The following CFAP20DC variants were observed in gnomAD, a reference collection of about 807,000 sequenced individuals.
The protein encoded by CFAP20DC is CFAP20 domain containing.
CFAP20DC carries 84 observed loss-of-function variants against 101.7 expected under a neutral mutation model. The ratio of observed to expected loss-of-function variants is 0.83; its 90% CI spans 0.69 to 0.99. The LOEUF is 0.99. Among genes scored for constraint, CFAP20DC ranks in the 50% least tolerant of loss-of-function variants. CFAP20DC has a pLI of 0.00. For missense variants in CFAP20DC, 1,007 were observed against 970.3 expected, an observed-to-expected ratio of 1.04 and a Z score of -0.50; for synonymous variants, 359 against 351.2, an observed-to-expected ratio of 1.02 and a Z score of -0.25.
chr3:58,911,009 T>C lies in CFAP20DC; in HGVS notation c.550+2699A>G, dbSNP rs887097428. Among the ~76,000 whole-genome samples, 5 of 152,098 alleles carry C rather than the reference T, an allele frequency of 3.3e-5. 1 individual carries two copies. The highest frequency in any genetic ancestry group is 3.3e-4 in the Admixed American group (5 of 15,250). On this transcript the variant is annotated intron_variant, in intron 6 of 16. Transcript: ENST00000482387. ...CTTTAAAATAAGTTTGATTAACATATTTGAGAAATGTGTTAACAAGATGTA... is the reference window on the plus strand; with the variant it reads ...CTTTAAAATAAGTTTGATTAACATACTTGAGAAATGTGTTAACAAGATGTA...
At chr3:59,033,517 G>A (rs2094036212) in intron 4 of CFAP20DC, among the ~76,000 whole-genome samples, 1 of 152,044 alleles carries the variant, frequency 6.6e-6, no homozygotes, top group South Asian at 2.1e-4. Context: ...TGACCTGATG[G>A]AGCTGAAAAA....
rs572420720 is a variant in CFAP20DC at position 59,024,741 on chromosome 3, T to A, written c.278+14816A>T. ...CAAAGCCAAATGCCAAATGACTTCA[T>A]AAGATTCCATGATATACTTGAATTG... On this transcript the variant is annotated intron_variant, in intron 4 of 16. Transcript: ENST00000482387. 6.4e-4 allele frequency among the ~76,000 whole-genome samples: 98 copies of A among 152,280 alleles called. 2 individuals are homozygous for A. The South Asian group carries it at 0.02, about 31-fold the overall frequency.
chr3:58,866,480 A>G (rs2079702516), intron 11 of CFAP20DC, 86 bp downstream of exon 11: 3 of 1,182,276 alleles, frequency 2.5e-6, no homozygotes, highest in South Asian at 1.8e-5. Context: ...CTGCATCACC[A>G]CTTTTCAAAA....
At chr3:58,922,146 A>G (rs2085448316) in intron 5 of CFAP20DC, among the ~76,000 whole-genome samples, 1 of 152,170 alleles carries the variant, frequency 6.6e-6, no homozygotes, top group Non-Finnish European at 1.5e-5. Context: ...AATTCAACCT[A>G]ACAATCTCTG....
At chr3:58,870,046 G>C (rs764244681) in intron 8 of CFAP20DC, 127 bp downstream of exon 8, 98 of 848,390 alleles carry the variant, frequency 1.2e-4, no homozygotes, top group Admixed American at 2.1e-4. Context: ...TCTGCTTTTG[G>C]CATGTAGTGT....
chr3:59,049,778 C>T lies in CFAP20DC; in HGVS notation c.-147G>A. The T allele has an allele frequency of 1.1e-6, 1 of 912,480 alleles. No individual in the cohort carries two copies. The highest frequency in any genetic ancestry group is 1.6e-6 in the Non-Finnish European group (1 of 617,106). The allele number at this position is 912,480 out of a possible 1,614,324, so 56.5% of individuals were successfully genotyped here. The stretch of plus-strand genomic sequence containing the variant: ...CGTGCTTGGCCCAGACTTGGGCAGG[C>T]TCTTCTCAGCCCCTCCGGCCCCTGG... On this transcript the variant is annotated 5_prime_UTR_variant, in exon 1 of 17. Transcript: ENST00000482387.
rs373373632 is a variant in CFAP20DC at position 58,785,764 on chromosome 3, C to T, written c.2237+20631G>A. Reference sequence around the variant, plus strand: ...GCTTCCGTGACCTAAAAATTGTTTTCGAGCCAAAGGCAATTAAGAAGAAGC... The same window carrying T: ...GCTTCCGTGACCTAAAAATTGTTTTTGAGCCAAAGGCAATTAAGAAGAAGC... On this transcript the variant is annotated intron_variant, in intron 15 of 16. Transcript: ENST00000482387. Among the ~76,000 whole-genome samples the T allele has an allele frequency of 7.9e-4, 120 of 152,120 alleles. 1 individual carries two copies. Among genetic ancestry groups the T allele is most frequent in the African/African-American group, 2.5e-3 (105 of 41,504 alleles).
At chr3:59,046,347 G>A in intron 2 of CFAP20DC, 25 bp from the exon 3 acceptor site, 1 of 1,349,572 alleles carries the variant, frequency 7.4e-7, no homozygotes, top group Non-Finnish European at 1.0e-6. Context: ...GAAAACAGTA[G>A]TTATCACAGG....
intron 14 of CFAP20DC, among the ~76,000 whole-genome samples, chr3:58,818,284 A>G (rs2075351428): frequency 6.6e-6 from 1 of 151,434 alleles, no homozygotes; most frequent in Non-Finnish European, 1.5e-5. Context: ...AAATTCACAC[A>G]TAACAATATT....
At chr3:58,744,336 T>C (rs1356045529) in intron 16 of CFAP20DC, among the ~76,000 whole-genome samples, 1 of 152,194 alleles carries the variant, frequency 6.6e-6, no homozygotes. Flanking sequence ...CAGTGTTCTT[T>C]CTACCAGTCA....
intron 14 of CFAP20DC, among the ~76,000 whole-genome samples, chr3:58,810,138 G>T (rs1446234028): frequency 3.3e-5 from 5 of 152,114 alleles, no homozygotes; most frequent in Non-Finnish European, 5.9e-5. Context: ...GGAGGAACTG[G>T]TACCATTCCT....
chr3:58,878,856 A>C (rs999832790), intron 7 of CFAP20DC, among the ~76,000 whole-genome samples: 1 of 152,178 alleles, frequency 6.6e-6, no homozygotes, highest in Non-Finnish European at 1.5e-5. Context: ...AAAATACAAA[A>C]AATTAGCCGG....
At chr3:59,027,451 T>G (rs993867350) in intron 4 of CFAP20DC, among the ~76,000 whole-genome samples, 1 of 152,046 alleles carries the variant, frequency 6.6e-6, no homozygotes, top group Non-Finnish European at 1.5e-5. Context: ...CACCAGAGGG[T>G]CTCAGTGTTT....
chr3:58,753,881 T>TG lies in CFAP20DC; in HGVS notation c.2238-19dup. 1 of 1,501,764 alleles carries TG rather than the reference T, an allele frequency of 6.7e-7. No homozygotes were observed. Among genetic ancestry groups the TG allele is most frequent in the Non-Finnish European group, 9.2e-7 (1 of 1,083,908 alleles). 93.0% of individuals were successfully genotyped at this position (1,501,764 alleles called of 1,614,324 possible). On this transcript the variant is annotated intron_variant, in intron 15 of 16. Coordinates refer to ENST00000482387, the MANE Select transcript of CFAP20DC (RefSeq NM_001394063.1). ...ACCAGTCCCTAAAAAGAAAACAAAGTGAATGAGCATGTCTGGAATTCCATA... is the reference window on the plus strand; with the variant it reads ...ACCAGTCCCTAAAAAGAAAACAAAGTGGAATGAGCATGTCTGGAATTCCATA...
chr3:58,864,006 G>T lies in CFAP20DC; in HGVS notation c.1259-114C>A. ...ACAGTCTCACTCTGCCGCCTAGGCT[G>T]CAGTGCAGTCACGCGATCTCGGCTC... On this transcript the variant is annotated intron_variant, in intron 11 of 16. Coordinates refer to ENST00000482387, the MANE Select transcript of CFAP20DC (RefSeq NM_001394063.1). The surrounding 1 kb of genome is among the most constrained non-coding windows in gnomAD (Gnocchi z 4.7). 1 of 1,035,448 alleles carries T rather than the reference G, an allele frequency of 9.7e-7. No homozygotes were observed. The highest frequency in any genetic ancestry group is 1.4e-6 in the Non-Finnish European group (1 of 739,938). 64.1% of individuals were successfully genotyped at this position (1,035,448 alleles called of 1,614,324 possible).
chr3:58,817,587 A>G (rs1272412018), intron 14 of CFAP20DC, among the ~76,000 whole-genome samples: 7 of 144,050 alleles, frequency 4.9e-5, no homozygotes, highest in African/African-American at 1.8e-4. Flanking sequence ...GGAAGTTTAG[A>G]GAAAAAAGAA....
intron 12 of CFAP20DC, among the ~76,000 whole-genome samples, chr3:58,855,314 G>A (rs867168387): frequency 0.012 from 1,877 of 152,082 alleles, 12 homozygotes; most frequent in Middle Eastern, 0.034. Flanking sequence ...TTAGAATGGC[G>A]ATCATTAAAA....
intron 13 of CFAP20DC, among the ~76,000 whole-genome samples, chr3:58,843,121 G>A (rs2077294301): frequency 6.6e-6 from 1 of 152,174 alleles, no homozygotes; most frequent in African/African-American, 2.4e-5. Context: ...TTCCTCCAAA[G>A]GAACACAGTT....
intron 16 of CFAP20DC, among the ~76,000 whole-genome samples, chr3:58,745,118 T>C (rs1017701962): frequency 2.0e-5 from 3 of 152,020 alleles, no homozygotes; most frequent in Non-Finnish European, 2.9e-5. Context: ...GTCTTCAGAG[T>C]CCCCAGGGCC....
Sources: gnomAD v4.1 joint callset for allele counts (sites outside exome capture counted in the v4.1 genomes callset) on GRCh38, gnomAD v4.1.1 for gene constraint, Gnocchi (gnomAD v3.1) non-coding constraint, MANE v1.5 for transcripts, NCBI Gene and HGNC (gene_info 2026-07-23, HGNC 2026-07-21) for gene names.